OSBP2: variants seen among roughly 807,000 people sequenced by gnomAD.
OSBP2 encodes the protein oxysterol binding protein 2.
Under a neutral mutation model 96.0 loss-of-function variants are expected in OSBP2, and 66 were observed. The observed-to-expected ratio is 0.69, with a 90% CI of 0.56 to 0.84. The LOEUF (loss-of-function observed/expected upper bound fraction) is 0.84, where lower values mean the gene tolerates loss of function less well. Ranked by LOEUF, OSBP2 falls within the 40% of genes least tolerant of loss-of-function variation. The pLI is 0.00. For missense variants in OSBP2, 1,038 were observed against 1,222.7 expected (o/e 0.85, Z 2.25); for synonymous variants, 525 against 520.9 (o/e 1.01, Z -0.11).
At chr22:30,799,346 A>G (rs1264907800) in intron 2 of OSBP2, among the ~76,000 whole-genome samples, 1 of 150,940 alleles carries the variant, frequency 6.6e-6, no homozygotes, top group African/African-American at 2.4e-5. Context: ...GTCTTGAAAA[A>G]CCCCTGGCCT....
intron 12 of OSBP2, chr22:30,902,112 AAAAAAAAAAAAACGAAAAAAAAAAAACC>A (rs1237163550): frequency 1.7e-5 from 2 of 118,840 alleles, no homozygotes; most frequent in East Asian, 3.4e-4. Context: ...CAATATAAGA[AAAAAAAAAAAAACGAAAAAAAAAAAACC>A]AAAAAAAAAA....
At position 30,735,844 on chromosome 22, in the gene OSBP2, T is replaced by A. The variant is rs1460439587; in HGVS notation, c.645-5317T>A. Among the ~76,000 whole-genome samples the A allele has an allele frequency of 2.6e-5, 4 of 152,120 alleles. 1 individual carries two copies. In the East Asian group the frequency reaches 7.7e-4, roughly 29 times the overall value. On this transcript the variant is annotated intron_variant, in intron 1 of 13. Transcript: ENST00000332585. ...TTTGAGCAGTTCTTGTGCCTCAGCC[T>A]CCCGAGTAGCTGGGAATACAGGTGT...
chr22:30,835,606 G>A (rs956442763), intron 2 of OSBP2, among the ~76,000 whole-genome samples: 2 of 151,608 alleles, frequency 1.3e-5, no homozygotes, highest in African/African-American at 4.9e-5. Flanking sequence ...GACCATACTG[G>A]TATTTTCTAA....
chr22:30,906,241 C>G lies in OSBP2; in HGVS notation c.2653C>G (p.Leu885Val), dbSNP rs1268414123. Residue 885 changes from leucine (L) to valine (V), a missense_variant, in exon 14 of 14, where the codon CTG becomes GTG. Transcript: ENST00000332585. ...CACGCCACTGTGGTTTGAGAAGAGG[C>G]TGGATCCGCTGACCGGGGAGATGGC... ...AYTPLWFEKR[L>V]DPLTGEMACV... is the part of the protein sequence containing the mutation. The G allele has an allele frequency of 2.5e-6, 4 of 1,614,194 alleles. No individual in the cohort carries two copies. The highest frequency in any genetic ancestry group is 3.4e-6 in the Non-Finnish European group (4 of 1,180,030).
At chr22:30,694,758 G>A, upstream of OSBP2, 1 of 538,776 alleles carries the variant, frequency 1.9e-6, no homozygotes, top group Non-Finnish European at 2.4e-6. Flanking sequence ...ACAGCCGGCG[G>A]GCGCTGACGG....
Position 30,881,076 on chromosome 22 carries a change from C to T in OSBP2, c.1108-6350C>T, listed in dbSNP as rs866616884. On this transcript the variant is annotated intron_variant, in intron 3 of 13. Transcript: ENST00000332585. This position sits in a 1 kb window ranked among gnomAD's most constrained non-coding sequence, Gnocchi z 4.5. ...GTTCTCACTCTGCTTGGGGGCAACT[C>T]GACAGGCTCCCTGCCCTCCCCATGG... Among the ~76,000 whole-genome samples, 23 of 152,148 alleles carry T rather than the reference C, an allele frequency of 1.5e-4. No individual in the cohort carries two copies. Among genetic ancestry groups the T allele is most frequent in the African/African-American group, 4.8e-4 (20 of 41,434 alleles).
In OSBP2 at chr22:30,730,766, CTCT is replaced by C. The variant is rs1207728005; in HGVS notation, c.645-10394_645-10392del. Among the ~76,000 whole-genome samples the C allele has an allele frequency of 5.4e-5, 2 of 36,892 alleles. 1 individual carries two copies. Among genetic ancestry groups the C allele is most frequent in the Non-Finnish European group, 1.0e-4 (2 of 19,870 alleles). 24.2% of individuals were successfully genotyped at this position (36,892 alleles called of 152,430 possible). A position where few individuals can be genotyped will look rare whatever the true frequency, so the allele number is the denominator to read the frequency against. ...TCTCTCTCTCTCTCTCTCTCTCTCT[CTCT>C]CTCTCTATATATATATATATATATA... On this transcript the variant is annotated intron_variant, in intron 1 of 13. Coordinates refer to ENST00000332585, the MANE Select transcript of OSBP2 (RefSeq NM_030758.4).
chr22:30,705,483 G>T (rs2089238210), intron 1 of OSBP2, among the ~76,000 whole-genome samples: 1 of 152,046 alleles, frequency 6.6e-6, no homozygotes, highest in South Asian at 2.1e-4. Context: ...AGTAGAGTCG[G>T]GGTTTCTCCA....
intron 2 of OSBP2, among the ~76,000 whole-genome samples, chr22:30,820,642 G>A (rs2146976247): frequency 6.6e-6 from 1 of 152,270 alleles, no homozygotes; most frequent in South Asian, 2.1e-4. Flanking sequence ...GTAAAAGAGG[G>A]TGTTGGTGAA....
chr22:30,905,933 C>A lies in OSBP2; in HGVS notation c.2472C>A (p.Pro824=). 1 of 1,612,714 alleles carries A rather than the reference C, an allele frequency of 6.2e-7. No individual in the cohort carries two copies. Among genetic ancestry groups the A allele is most frequent in the Non-Finnish European group, 8.5e-7 (1 of 1,179,574 alleles). ...CGCCAACCGACAGCCGCCTGCGGCC[C>A]GACCAGCGGCTGATGGAGAAGGGCC... ...GVAPTDSRLR[P]DQRLMEKGRW... is the part of the protein sequence containing the mutation. The change falls in exon 13 of 14, where the codon CCC becomes CCA. Residue 824 remains proline (P), a synonymous_variant. Transcript: ENST00000332585.
intron 12 of OSBP2, among the ~76,000 whole-genome samples, chr22:30,897,912 T>C (rs1035564537): frequency 1.3e-5 from 2 of 149,144 alleles, no homozygotes; most frequent in African/African-American, 5.0e-5. Context: ...ATCGTGCCAC[T>C]GTACTCTAGG....
chr22:30,779,584 G>A (rs1386544385), intron 2 of OSBP2, among the ~76,000 whole-genome samples: 1 of 152,124 alleles, frequency 6.6e-6, no homozygotes, highest in African/African-American at 2.4e-5. Context: ...GCACATTCCT[G>A]CCTCAGCCAC....
intron 12 of OSBP2, among the ~76,000 whole-genome samples, chr22:30,895,360 C>T (rs1452258394): frequency 6.6e-6 from 1 of 152,026 alleles, no homozygotes; most frequent in Non-Finnish European, 1.5e-5. Context: ...GGGCCTATAG[C>T]GTGCTGAAGA....
chr22:30,831,284 T>A (rs952698059), intron 2 of OSBP2, among the ~76,000 whole-genome samples: 2 of 152,256 alleles, frequency 1.3e-5, no homozygotes. Flanking sequence ...TGCCTTGTTT[T>A]CACTTGCAAT....
In OSBP2 at chr22:30,746,231, C is replaced by T. The variant is rs1210017186; in HGVS notation, c.853+4862C>T. Reference sequence around the variant, plus strand: ...CCCAGGAGTTTAACACTAACCTGGGCAACATAGTGAGACCCTTTCTTTACA... The same window carrying T: ...CCCAGGAGTTTAACACTAACCTGGGTAACATAGTGAGACCCTTTCTTTACA... On this transcript the variant is annotated intron_variant, in intron 2 of 13. Transcript: ENST00000332585. Among the ~76,000 whole-genome samples, 20 of 152,070 alleles carry T rather than the reference C, an allele frequency of 1.3e-4. No individual in the cohort carries two copies. In the East Asian group the frequency reaches 3.9e-3, roughly 29 times the overall value.
intron 2 of OSBP2, among the ~76,000 whole-genome samples, chr22:30,859,520 C>T (rs1306177773): frequency 2.0e-5 from 3 of 152,182 alleles, no homozygotes; most frequent in East Asian, 3.9e-4. Context: ...GGCCGTGTGG[C>T]GAGCCCGTTG....
chr22:30,792,315 C>CA (rs532658929), intron 2 of OSBP2, among the ~76,000 whole-genome samples: 2,335 of 125,462 alleles, frequency 0.019, 24 homozygotes, highest in Middle Eastern at 0.059. Context: ...TCTACTGTCT[C>CA]AAAAAAAAAA....
intron 2 of OSBP2, chr22:30,764,395 A>G (rs1282529193): frequency 2.0e-6 from 2 of 985,228 alleles, no homozygotes; most frequent in Non-Finnish European, 2.4e-6. Context: ...TCTAACAGGT[A>G]GGACTTGGAA....
At chr22:30,787,285 ACAT>A (rs1225579595) in intron 2 of OSBP2, among the ~76,000 whole-genome samples, 1 of 152,194 alleles carries the variant, frequency 6.6e-6, no homozygotes, top group Non-Finnish European at 1.5e-5. Flanking sequence ...ATTCTTCTTA[ACAT>A]GGCGGCAGGA....
Sources: allele counts gnomAD v4.1 joint callset (sites outside exome capture counted in the v4.1 genomes callset), GRCh38; gene constraint gnomAD v4.1.1; non-coding constraint Gnocchi (gnomAD v3.1); transcripts MANE v1.5; gene names NCBI Gene and HGNC (gene_info 2026-07-23, HGNC 2026-07-21).